The following KDM4A variants were observed in gnomAD, a reference collection of about 807,000 sequenced individuals.
The protein encoded by KDM4A is lysine demethylase 4A, also known as lysine-specific demethylase 4A.
KDM4A carries 23 observed loss-of-function variants against 127.1 expected under a neutral mutation model. The observed-to-expected ratio is 0.18, with a 90% CI of 0.13 to 0.26. The LOEUF is 0.26. Among genes scored for constraint, KDM4A ranks in the 10% least tolerant of loss-of-function variants. The probability of loss-of-function intolerance (pLI) is 1.00; values close to 1 mark genes in which losing one functional copy is unlikely to be tolerated. For missense variants in KDM4A, 890 were observed against 1,329.1 expected (o/e 0.67, Z 5.14); for synonymous variants, 443 against 466.5 (o/e 0.95, Z 0.65).
intron 1 of KDM4A, chr1:43,650,788 C>A (rs1660098362): frequency 6.6e-6 from 1 of 152,414 alleles, no homozygotes; most frequent in African/African-American, 2.4e-5. Context: ...AACTGAGACT[C>A]AAGTCAGCTC....
intron 5 of KDM4A, among the ~76,000 whole-genome samples, chr1:43,663,451 T>G (rs1660429903): frequency 6.6e-6 from 1 of 152,126 alleles, no homozygotes. Context: ...AAAGCTTTCT[T>G]TTCGTCATGG....
At chr1:43,676,197 C>G (rs1254891924) in intron 11 of KDM4A, among the ~76,000 whole-genome samples, 1 of 151,452 alleles carries the variant, frequency 6.6e-6, no homozygotes, top group Non-Finnish European at 1.5e-5. Flanking sequence ...GGCTGAGGTG[C>G]GAGAATTGCT....
intron 18 of KDM4A, among the ~76,000 whole-genome samples, chr1:43,695,815 T>C (rs1264466518): frequency 6.6e-6 from 1 of 152,116 alleles, no homozygotes; most frequent in Non-Finnish European, 1.5e-5. Context: ...TAGGGTTTAT[T>C]GACCCTCGTG....
chr1:43,653,810 T>C (rs1267644198), intron 2 of KDM4A: 2 of 152,268 alleles, frequency 1.3e-5, no homozygotes, highest in Non-Finnish European at 2.9e-5. Context: ...GTGAGTTGGA[T>C]TCGTTATTTT....
intron 11 of KDM4A, among the ~76,000 whole-genome samples, chr1:43,672,490 T>TCAACTGGGGTAGGCAG: frequency 6.6e-6 from 1 of 151,024 alleles, no homozygotes. Context: ...GCTGGCCTTT[T>TCAACTGGGGTAGGCAG]GTTTTTTTTT....
At chr1:43,670,657 G>A (rs569218733) in intron 10 of KDM4A, among the ~76,000 whole-genome samples, 5 of 149,304 alleles carry the variant, frequency 3.3e-5, no homozygotes, top group Non-Finnish European at 7.4e-5. Context: ...TCCGCCTCCC[G>A]GGTTCAAGTG....
At chr1:43,675,480 A>G (rs1660720310) in intron 11 of KDM4A, among the ~76,000 whole-genome samples, 1 of 152,246 alleles carries the variant, frequency 6.6e-6, no homozygotes, top group African/African-American at 2.4e-5. Flanking sequence ...CCAGGTGGAC[A>G]GAATGAAATC....
At chr1:43,671,965 C>G (rs1297241836) in intron 11 of KDM4A, 90 bp downstream of exon 11, 1 of 1,423,724 alleles carries the variant, frequency 7.0e-7, no homozygotes, top group Non-Finnish European at 9.3e-7. Flanking sequence ...GGAGGTGGAT[C>G]TGTGTGATGG....
At chr1:43,659,917 C>T (rs142197881) in intron 3 of KDM4A, among the ~76,000 whole-genome samples, 14 of 152,244 alleles carry the variant, frequency 9.2e-5, no homozygotes, top group African/African-American at 2.9e-4. Flanking sequence ...TCTTCACATG[C>T]TGCTGGGTTT....
chr1:43,684,606 G>C (rs1193065491), intron 12 of KDM4A, among the ~76,000 whole-genome samples: 1 of 152,220 alleles, frequency 6.6e-6, no homozygotes, highest in Non-Finnish European at 1.5e-5. Context: ...GCTCAGTGTG[G>C]CTGGAGCTGG....
At chr1:43,679,524 C>T (rs1570849223) in intron 11 of KDM4A, among the ~76,000 whole-genome samples, 1 of 152,166 alleles carries the variant, frequency 6.6e-6, no homozygotes, top group Non-Finnish European at 1.5e-5. Context: ...CCCCCACCCC[C>T]ACTTTAAGCA....
At chr1:43,662,272 A>T (rs148870147) in intron 4 of KDM4A, among the ~76,000 whole-genome samples, 58 of 151,578 alleles carry the variant, frequency 3.8e-4, no homozygotes, top group African/African-American at 1.3e-3. Context: ...TTTGACCTAA[A>T]TTTCTTTAGC....
At chr1:43,679,474 T>C (rs375428909) in intron 11 of KDM4A, among the ~76,000 whole-genome samples, 4 of 152,186 alleles carry the variant, frequency 2.6e-5, no homozygotes, top group African/African-American at 9.7e-5. Context: ...ACTGGATCTA[T>C]ATTTGTAGAC....
At chr1:43,677,860 G>T (rs947881896) in intron 11 of KDM4A, among the ~76,000 whole-genome samples, 4 of 152,136 alleles carry the variant, frequency 2.6e-5, no homozygotes, top group African/African-American at 9.7e-5. Context: ...TCTACTTCAG[G>T]AAAGGAGGAA....
In KDM4A at chr1:43,668,006, G is replaced by C. The variant is rs1660536698; in HGVS notation, c.1150G>C (p.Asp384His). The C allele has an allele frequency of 6.2e-7, 1 of 1,614,022 alleles. No homozygotes were observed. Among genetic ancestry groups the C allele is most frequent in the Non-Finnish European group, 8.5e-7 (1 of 1,179,958 alleles). ...MEGVEDGEEGDLKTSLAKHRI... is the reference protein window; with the variant it reads ...MEGVEDGEEGHLKTSLAKHRI... ...AGGGGTGGAGGATGGAGAGGAAGGA[G>C]ACCTGAAGACAAGGTAACCCAGCAG... Residue 384 changes from aspartate (D) to histidine (H), a missense_variant, in exon 9 of 22, where the codon GAC becomes CAC. Transcript: ENST00000372396.
chr1:43,686,151 GTTT>G lies in KDM4A; in HGVS notation c.1855+2366_1855+2368del, dbSNP rs35512755. ...CTCCCCCTACTTTTTTTTGTTTCTT[GTTT>G]TTTTTTTTTTTTTTTTTTGAGAAGG... On this transcript the variant is annotated intron_variant, in intron 12 of 21. Coordinates refer to ENST00000372396, the MANE Select transcript of KDM4A (RefSeq NM_014663.3). 1.6e-3 allele frequency among the ~76,000 whole-genome samples: 157 copies of G among 97,882 alleles called. 1 individual carries two copies. The highest frequency in any genetic ancestry group is 5.8e-3 in the African/African-American group (146 of 25,012). The allele number at this position is 97,882 out of a possible 152,430, so 64.2% of individuals were successfully genotyped here. A position where few individuals can be genotyped will look rare whatever the true frequency, so the allele number is the denominator to read the frequency against.
At chr1:43,659,315 T>C (rs890425215) in intron 3 of KDM4A, among the ~76,000 whole-genome samples, 5 of 152,042 alleles carry the variant, frequency 3.3e-5, no homozygotes, top group Non-Finnish European at 5.9e-5. Flanking sequence ...GGTATAGTTT[T>C]CTTTTCTTTT....
Position 43,662,983 on chromosome 1 carries a change from C to T in KDM4A, c.519C>T (p.Thr173=), listed in dbSNP as rs1482541062. The T allele has an allele frequency of 1.2e-6, 2 of 1,614,096 alleles. No individual in the cohort carries two copies. The highest frequency in any genetic ancestry group is 1.1e-5 in the South Asian group (1 of 91,068). The stretch of plus-strand genomic sequence containing the variant: ...GGATCACCATTGAGGGTGTGAACAC[C>T]CCATACCTGTACTTTGGCATGTGGA... ...ESGITIEGVN[T]PYLYFGMWKT... The change falls in exon 5 of 22, where the codon ACC becomes ACT. Residue 173 remains threonine, a synonymous_variant. Transcript: ENST00000372396.
At chr1:43,665,295 C>T (rs1660475474) in intron 5 of KDM4A, among the ~76,000 whole-genome samples, 1 of 152,042 alleles carries the variant, frequency 6.6e-6, no homozygotes, top group Non-Finnish European at 1.5e-5. Flanking sequence ...TTGCCTGCCC[C>T]CAGTTAGGCC....
Sources: gnomAD v4.1 joint callset for allele counts (sites outside exome capture counted in the v4.1 genomes callset) on GRCh38, gnomAD v4.1.1 for gene constraint, MANE v1.5 for transcripts, NCBI Gene and HGNC (gene_info 2026-07-23, HGNC 2026-07-21) for gene names.